Variants in CSF2RA observed in about 807,000 individuals in gnomAD.
CSF2RA encodes the protein colony stimulating factor 2 receptor subunit alpha.
CSF2RA carries 42 observed loss-of-function variants against 51.6 expected under a neutral mutation model. The observed-to-expected ratio is 0.81, with a 90% CI of 0.64 to 1.05. The LOEUF is 1.05. CSF2RA is among the 50% of genes least tolerant of loss of function. The pLI is 0.00. For synonymous variants in CSF2RA, 222 were observed against 193.0 expected, an observed-to-expected ratio of 1.15 and a Z score of -1.24; for missense variants, 530 against 501.1, an observed-to-expected ratio of 1.06 and a Z score of -0.55.
chrX:1,323,076 C>T, the CSF2RA span, among the ~76,000 whole-genome samples: 29 of 151,504 alleles, frequency 1.9e-4, no homozygotes, highest in Non-Finnish European at 5.9e-5. Flanking sequence ...TTGCAGTGAG[C>T]CGAGATCGCG....
At chrX:1,278,035 A>C (rs188899716) in intron 2 of CSF2RA, among the ~76,000 whole-genome samples, 2,699 of 149,356 alleles carry the variant, frequency 0.018, 91 homozygotes, top group African/African-American at 0.064. Flanking sequence ...AAATAGTGAA[A>C]GACTAGGTAC....
In CSF2RA at chrX:1,303,966, C is replaced by A. The variant is rs1163366275; in HGVS notation, c.990C>A (p.Leu330=). The A allele has an allele frequency of 6.2e-7, 1 of 1,613,398 alleles. No homozygotes were observed. Among genetic ancestry groups the A allele is most frequent in the Admixed American group, 1.7e-5 (1 of 59,920 alleles). Residue 330 remains leucine (L), a synonymous_variant, in exon 11 of 13, where the codon CTC becomes CTA. Coordinates refer to ENST00000381529, the MANE Select transcript of CSF2RA (RefSeq NM_172245.4). ...TCGGCTCTGTGTACATTTATGTGCTCCTAATCGTGGGAACCCTTGTCTGTG... is the reference window on the plus strand; with the variant it reads ...TCGGCTCTGTGTACATTTATGTGCTACTAATCGTGGGAACCCTTGTCTGTG... The part of the protein sequence containing the change: ...GNLGSVYIYV[L]LIVGTLVCGI...
downstream of CSF2RA, among the ~76,000 whole-genome samples, chrX:1,310,562 G>C (rs2084126304): frequency 6.6e-6 from 1 of 150,804 alleles, no homozygotes; most frequent in African/African-American, 2.5e-5. Context: ...CAGCTACTCG[G>C]GAGGCTGAGG....
intron 10 of CSF2RA, among the ~76,000 whole-genome samples, chrX:1,301,192 T>A (rs2092345134): frequency 7.4e-6 from 1 of 134,306 alleles, no homozygotes; most frequent in South Asian, 2.4e-4. Context: ...CTAACCAGGA[T>A]TGGTGGCACA....
intron 7 of CSF2RA, among the ~76,000 whole-genome samples, chrX:1,293,271 G>T (rs28656372): frequency 0.25 from 38,225 of 151,704 alleles, 4,948 homozygotes; most frequent in Middle Eastern, 0.32. Flanking sequence ...CAGGCTGGAG[G>T]GCAGTGGCGG....
At chrX:1,287,668 T>G (rs2090903678) in intron 4 of CSF2RA, among the ~76,000 whole-genome samples, 1 of 138,590 alleles carries the variant, frequency 7.2e-6, no homozygotes, top group Non-Finnish European at 1.5e-5. Flanking sequence ...GATCTTGAAC[T>G]CCTGACCTCA....
In CSF2RA at chrX:1,301,828, G is replaced by A. The variant is rs539669410; in HGVS notation, c.946+1202G>A. Among the ~76,000 whole-genome samples, 6 of 148,732 alleles carry A rather than the reference G, an allele frequency of 4.0e-5. No individual in the cohort carries two copies. In the South Asian group the frequency reaches 8.4e-4, roughly 21 times the overall value. ...ACTGTTTTTTAGCCAGGATGGTCTC[G>A]ATCTCCTGACCTCGTGATCCGCCCA... On this transcript the variant is annotated intron_variant, in intron 10 of 12. Coordinates refer to ENST00000381529, the MANE Select transcript of CSF2RA (RefSeq NM_172245.4).
At chrX:1,319,721 T>G in the CSF2RA span, among the ~76,000 whole-genome samples, 19 of 147,116 alleles carry the variant, frequency 1.3e-4, 2 homozygotes, top group Non-Finnish European at 2.6e-4. Context: ...GCTGTTTTTT[T>G]TTTTTTTTTT....
chrX:1,277,219 A>G (rs1255034196), intron 2 of CSF2RA, among the ~76,000 whole-genome samples: 12 of 152,056 alleles, frequency 7.9e-5, no homozygotes, highest in Non-Finnish European at 1.5e-4. Flanking sequence ...TGCTTCCCTT[A>G]AAGCATAAAC....
rs149553478 is a variant in CSF2RA at position 1,278,356 on chromosome X, G to A, written c.-27+3538G>A. ...TCAAAAAAACAAAAGATTTCAGGGC[G>A]AGCAAGTTTATTATGAAAGTAAAGT... On this transcript the variant is annotated intron_variant, in intron 2 of 12. Transcript: ENST00000381529. 2.8e-3 allele frequency among the ~76,000 whole-genome samples: 408 copies of A among 148,092 alleles called. 3 individuals are homozygous for A. Among genetic ancestry groups the A allele is most frequent in the African/African-American group, 9.2e-3 (369 of 39,950 alleles).
intron 10 of CSF2RA, among the ~76,000 whole-genome samples, chrX:1,301,834 C>T (rs1335870438): frequency 6.6e-6 from 1 of 150,796 alleles, no homozygotes; most frequent in Non-Finnish European, 1.5e-5. Flanking sequence ...TCTCGATCTC[C>T]TGACCTCGTG....
At chrX:1,323,880 G>C in the CSF2RA span, among the ~76,000 whole-genome samples, 18 of 151,992 alleles carry the variant, frequency 1.2e-4, no homozygotes, top group Admixed American at 3.3e-4. Context: ...CGGGCGTGGT[G>C]GTGGGCGCCT....
intron 4 of CSF2RA, among the ~76,000 whole-genome samples, chrX:1,288,318 C>A (rs1169349207): frequency 2.2e-5 from 3 of 137,182 alleles, no homozygotes; most frequent in African/African-American, 7.4e-5. Context: ...CCTGTCTCTA[C>A]TACAAATACA....
At chrX:1,300,657 G>A in intron 10 of CSF2RA, 31 bp downstream of exon 10, 1 of 1,613,868 alleles carries the variant, frequency 6.2e-7, no homozygotes, top group Non-Finnish European at 8.5e-7. Flanking sequence ...AGGGATGTTT[G>A]TGCCGTCTGC....
At chrX:1,283,486 CTT>C (rs1467139903) in intron 3 of CSF2RA, among the ~76,000 whole-genome samples, 3 of 121,712 alleles carry the variant, frequency 2.5e-5, no homozygotes, top group East Asian at 3.1e-4. Flanking sequence ...CTCTCTCTCT[CTT>C]TCTTTCTTTC....
intron 9 of CSF2RA, among the ~76,000 whole-genome samples, chrX:1,299,905 G>A (rs781022240): frequency 3.9e-5 from 6 of 151,918 alleles, no homozygotes; most frequent in South Asian, 2.1e-4. Flanking sequence ...GCGACAGAGC[G>A]AGAGTGTCTC....
chrX:1,319,747 C>A, the CSF2RA span, among the ~76,000 whole-genome samples: 1 of 143,158 alleles, frequency 7.0e-6, no homozygotes, highest in Admixed American at 7.0e-5. Flanking sequence ...CAGAGTCTCA[C>A]TCTGTCGCCC....
chrX:1,301,419 T>G (rs751891375), intron 10 of CSF2RA, among the ~76,000 whole-genome samples: 1 of 151,046 alleles, frequency 6.6e-6, no homozygotes, highest in Non-Finnish European at 1.5e-5. Context: ...TGCTGGTGTT[T>G]TTTTCAGGGT....
intron 10 of CSF2RA, among the ~76,000 whole-genome samples, chrX:1,301,775 T>A (rs1198053008): frequency 2.0e-5 from 3 of 150,464 alleles, no homozygotes; most frequent in African/African-American, 4.9e-5. Context: ...TTTTTGTATT[T>A]TTTTTTTTTT....
Sources: gnomAD v4.1 joint callset for allele counts (sites outside exome capture counted in the v4.1 genomes callset) on GRCh38, gnomAD v4.1.1 for gene constraint, MANE v1.5 for transcripts, NCBI Gene and HGNC (gene_info 2026-07-23, HGNC 2026-07-21) for gene names.